The following IL34 variants were observed in gnomAD, a reference collection of about 807,000 sequenced individuals.
IL34 encodes the protein interleukin 34.
Under a neutral mutation model 25.3 loss-of-function variants are expected in IL34, and 17 were observed. The ratio of observed to expected loss-of-function variants is 0.67; its 90% confidence interval spans 0.46 to 1.01. IL34 has a LOEUF of 1.01. Ranked by LOEUF, IL34 falls within the 50% of genes least tolerant of loss-of-function variation. IL34 has a pLI of 0.00. For synonymous variants in IL34, 174 were observed against 140.9 expected (o/e 1.23, Z -1.66); for missense variants, 368 against 312.9 (o/e 1.18, Z -1.33).
chr16:70,618,924 G>C (rs968999479), intron 1 of IL34, among the ~76,000 whole-genome samples: 1 of 152,052 alleles, frequency 6.6e-6, no homozygotes, highest in African/African-American at 2.4e-5. Context: ...TGGGATTAAC[G>C]GTGCAAAGGA....
chr16:70,627,771 T>C (rs1382258063), intron 1 of IL34, among the ~76,000 whole-genome samples: 2 of 152,140 alleles, frequency 1.3e-5, no homozygotes. Context: ...GCCTGGCCCT[T>C]ATTTCTTGTC....
At chr16:70,625,174 T>C (rs1350740292) in intron 1 of IL34, among the ~76,000 whole-genome samples, 2 of 151,612 alleles carry the variant, frequency 1.3e-5, no homozygotes, top group Non-Finnish European at 2.9e-5. Context: ...CAGGTGTGAG[T>C]TGAAGAGGTT....
chr16:70,617,050 C>T (rs528235586), intron 1 of IL34, among the ~76,000 whole-genome samples: 147 of 151,856 alleles, frequency 9.7e-4, no homozygotes, highest in South Asian at 3.5e-3. Context: ...TTAGGGGTGG[C>T]GTGGGAACCT....
intron 1 of IL34, among the ~76,000 whole-genome samples, chr16:70,627,951 A>G (rs2051432558): frequency 6.6e-6 from 1 of 152,226 alleles, no homozygotes; most frequent in Non-Finnish European, 1.5e-5. Flanking sequence ...TTGGATATTT[A>G]CTTACGAAAG....
Position 70,620,406 on chromosome 16 carries a change from C to G in IL34, c.-400-26142C>G, listed in dbSNP as rs573240733. On this transcript the variant is annotated intron_variant, in intron 1 of 6. Transcript: ENST00000429149. ...GGCAGGTGGGGGAGGGCTAGTCACG[C>G]AACGAAACTGTAAGCCCCACCAGGT... 7.9e-3 allele frequency among the ~76,000 whole-genome samples: 1,188 copies of G among 151,122 alleles called. 14 individuals are homozygous for G. Among genetic ancestry groups the G allele is most frequent in the African/African-American group, 0.027 (1,089 of 40,564 alleles).
chr16:70,598,924 G>A (rs542411402), intron 1 of IL34, among the ~76,000 whole-genome samples: 1 of 152,278 alleles, frequency 6.6e-6, no homozygotes, highest in South Asian at 2.1e-4. Flanking sequence ...ATCACATCAG[G>A]CCTGCTCAGA....
Position 70,660,037 on chromosome 16 carries a change from G to T in IL34, c.579G>T (p.Val193=). 1.9e-6 allele frequency: 3 copies of T among 1,611,628 alleles called. No individual in the cohort carries two copies. The highest frequency in any genetic ancestry group is 2.5e-6 in the Non-Finnish European group (3 of 1,179,070). Residue 193 remains valine (V), a synonymous_variant, in exon 6 of 6, where the codon GTG becomes GTT. Coordinates refer to ENST00000288098, the MANE Select transcript of IL34 (RefSeq NM_001393494.1). ...TCCTAAACTGGCAGGACTGTGAGGTGCCAAGTCCTCAGTCTTGCAGCCCAG... is the reference window on the plus strand; with the variant it reads ...TCCTAAACTGGCAGGACTGTGAGGTTCCAAGTCCTCAGTCTTGCAGCCCAG... ...SSVLNWQDCE[V]PSPQSCSPEP...
intron 1 of IL34, among the ~76,000 whole-genome samples, chr16:70,620,516 G>T (rs1251738246): frequency 6.6e-6 from 1 of 152,034 alleles, no homozygotes; most frequent in East Asian, 1.9e-4. Context: ...GGCGAGGAGG[G>T]GAGAGGTCAG....
At chr16:70,646,503 C>T (rs983493219), upstream of IL34, 2 of 173,302 alleles carry the variant, frequency 1.2e-5, no homozygotes, top group East Asian at 1.7e-4. Context: ...TGAGTGGCAG[C>T]GCTGCTCTTA....
rs1001499800 is a variant in IL34, at chr16:70,646,813, C to T, written c.-135C>T. On this transcript the variant is annotated 5_prime_UTR_variant, in exon 1 of 6. Coordinates refer to ENST00000288098, the MANE Select transcript of IL34 (RefSeq NM_001393494.1). ...CCTGCTCACTCCCGCAGCCCAGCCA[C>T]TCCTCCAGGGCCAGCCCTTCCCTGA... 3 of 818,710 alleles carry T rather than the reference C, an allele frequency of 3.7e-6. No individual in the cohort carries two copies. The African/African-American group carries it at 5.5e-5, about 15-fold the overall frequency. 50.7% of individuals were successfully genotyped at this position (818,710 alleles called of 1,614,324 possible).
intron 1 of IL34, among the ~76,000 whole-genome samples, chr16:70,641,122 A>C (rs1269380703): frequency 6.6e-6 from 1 of 151,838 alleles, no homozygotes; most frequent in Non-Finnish European, 1.5e-5. Flanking sequence ...ACATACAAAA[A>C]AATCAGCCGG....
intron 1 of IL34, among the ~76,000 whole-genome samples, chr16:70,596,248 CTCA>C: frequency 6.6e-6 from 1 of 152,266 alleles, no homozygotes. Context: ...CCATCACGAC[CTCA>C]TCATCTTCCA....
intron 3 of IL34, 73 bp from the exon 4 acceptor site, chr16:70,656,887 T>C: frequency 6.7e-7 from 1 of 1,499,506 alleles, no homozygotes. Context: ...CAGGGGCAAG[T>C]CCCTGGTGAG....
At chr16:70,620,370 G>A (rs1222697406) in intron 1 of IL34, among the ~76,000 whole-genome samples, 1 of 152,110 alleles carries the variant, frequency 6.6e-6, no homozygotes, top group Non-Finnish European at 1.5e-5. Context: ...CTTTTTAAGA[G>A]TGAATTGCTG....
At chr16:70,608,301 G>A (rs559665154) in intron 1 of IL34, among the ~76,000 whole-genome samples, 2 of 151,538 alleles carry the variant, frequency 1.3e-5, no homozygotes, top group East Asian at 3.9e-4. Flanking sequence ...GCTAATTTTT[G>A]TATTTTTAGT....
chr16:70,626,004 G>A (rs374302730), intron 1 of IL34, among the ~76,000 whole-genome samples: 16 of 152,300 alleles, frequency 1.1e-4, no homozygotes, highest in East Asian at 1.9e-4. Flanking sequence ...TCCGAGTCAC[G>A]GCACCGAATT....
At chr16:70,602,695 C>G (rs892850334) in intron 1 of IL34, among the ~76,000 whole-genome samples, 1 of 151,050 alleles carries the variant, frequency 6.6e-6, no homozygotes, top group African/African-American at 2.4e-5. Flanking sequence ...CTAACATTAA[C>G]TATTAATTAA....
chr16:70,615,179 A>G (rs1035962689), intron 1 of IL34, among the ~76,000 whole-genome samples: 53 of 152,166 alleles, frequency 3.5e-4, no homozygotes, highest in Non-Finnish European at 1.5e-4. Context: ...AGTCCATCGA[A>G]TTCTAGACTT....
At chr16:70,659,561 C>T in intron 4 of IL34, 57 bp from the exon 5 acceptor site, 1 of 1,546,004 alleles carries the variant, frequency 6.5e-7, no homozygotes, top group Admixed American at 1.8e-5. Context: ...GCCCTCACGG[C>T]TCTCCTGGGG....
Sources: allele counts gnomAD v4.1 joint callset (sites outside exome capture counted in the v4.1 genomes callset), GRCh38; gene constraint gnomAD v4.1.1; transcripts MANE v1.5; gene names NCBI Gene and HGNC (gene_info 2026-07-23, HGNC 2026-07-21).